ZGRF1: variants seen among roughly 807,000 people sequenced by gnomAD.
The protein encoded by ZGRF1 is zinc finger GRF-type containing 1, also known as 5'-3' DNA helicase ZGRF1.
ZGRF1 carries 196 observed loss-of-function variants against 203.5 expected under a neutral mutation model. The observed-to-expected ratio is 0.96, with a 90% confidence interval of 0.86 to 1.08. ZGRF1 has a LOEUF of 1.08. ZGRF1 is among the 50% of genes least tolerant of loss of function. The probability of loss-of-function intolerance (pLI) is 0.00; values close to 1 mark genes in which losing one functional copy is unlikely to be tolerated. For synonymous variants in ZGRF1, 809 were observed against 841.3 expected, an observed-to-expected ratio of 0.96 and a Z score of 0.66; for missense variants, 2,326 against 2,416.3, an observed-to-expected ratio of 0.96 and a Z score of 0.78.
rs1446332281 is a variant in ZGRF1, at chr4:112,619,630, C to T, written c.412G>A (p.Ala138Thr). 2.5e-6 allele frequency: 4 copies of T among 1,613,422 alleles called. No individual in the cohort carries two copies. Among genetic ancestry groups the T allele is most frequent in the Non-Finnish European group, 3.4e-6 (4 of 1,179,864 alleles). ...GTTTTCTTAGCCTCATGTGATGCAG[C>T]TGATTCACCACTTTCCATAATAACC... Reference protein sequence around the residue: ...KMVIMESGESAASHEAKKTGP... With the variant: ...KMVIMESGESTASHEAKKTGP... The change falls in exon 6 of 28, where the codon GCT (alanine) becomes ACT (threonine). Residue 138 changes from alanine to threonine, a missense_variant. Transcript: ENST00000505019.
chr4:112,633,766 T>C (rs1453835227), intron 1 of ZGRF1, among the ~76,000 whole-genome samples: 1 of 152,248 alleles, frequency 6.6e-6, no homozygotes, highest in Non-Finnish European at 1.5e-5. Context: ...ACTGTTTTTG[T>C]GGGCAAATTT....
chr4:112,609,461 TA>T, intron 7 of ZGRF1, 32 bp from the exon 8 acceptor site: 1 of 1,141,472 alleles, frequency 8.8e-7, no homozygotes, highest in Non-Finnish European at 1.3e-6. Flanking sequence ...TTAGATAAAC[TA>T]ATAGGCAATA....
chr4:112,552,625 T>C (rs532990155), intron 22 of ZGRF1, among the ~76,000 whole-genome samples: 4 of 152,352 alleles, frequency 2.6e-5, no homozygotes, highest in South Asian at 2.1e-4. Flanking sequence ...GTTAACTCTA[T>C]AATTCAAATA....
chr4:112,572,499 G>A (rs1239457994), intron 16 of ZGRF1, among the ~76,000 whole-genome samples: 1 of 152,074 alleles, frequency 6.6e-6, no homozygotes, highest in Non-Finnish European at 1.5e-5. Context: ...AAGACTTCAT[G>A]ACCAAAAACC....
At position 112,581,666 on chromosome 4, in the gene ZGRF1, T is replaced by C; in HGVS notation, c.4435A>G (p.Lys1479Glu). ...SRKERSSAYS[K>E]NDLWVVSKTL... ...CAGTATGATCAGATCAACTTACTTT[T>C]GCTATAAGCTGAAGATCTTTCCTTC... is the stretch of plus-strand genomic sequence containing the variant. Residue 1479 changes from lysine to glutamate, a missense_variant, in exon 16 of 28, where the codon AAA (lysine) becomes GAA (glutamate). By Grantham distance (56) the Lys-to-Glu change is moderately conservative. Coordinates refer to ENST00000505019, the MANE Select transcript of ZGRF1 (RefSeq NM_018392.5). 6.3e-7 allele frequency: 1 copy of C among 1,575,826 alleles called. No homozygotes were observed. Among genetic ancestry groups the C allele is most frequent in the Non-Finnish European group, 8.6e-7 (1 of 1,166,266 alleles).
chr4:112,591,182 C>A (rs1748112813), intron 10 of ZGRF1, among the ~76,000 whole-genome samples: 1 of 152,098 alleles, frequency 6.6e-6, no homozygotes, highest in Non-Finnish European at 1.5e-5. Context: ...TATATTTTAA[C>A]TTGTTTAATC....
intron 14 of ZGRF1, 22 bp downstream of exon 14, chr4:112,585,519 G>C: frequency 6.3e-7 from 1 of 1,590,828 alleles, no homozygotes; most frequent in Non-Finnish European, 8.6e-7. Context: ...TGGTATGGTA[G>C]GGGGAGGGGA....
rs1173352579 is a variant in ZGRF1, at chr4:112,618,264, G to A, written c.1778C>T (p.Thr593Ile). ...EIEGEHLPFL[T>I]SVSDKPTVTF... ...CACTGTAGGTTTGTCACTAACAGAT[G>A]TTAAGAATGGCAAATGTTCACCCTC... The change falls in exon 6 of 28, where the codon ACA becomes ATA. Residue 593 changes from threonine (T) to isoleucine (I), a missense_variant. Physicochemically the swap from Thr to Ile is moderately conservative, Grantham distance 89. Coordinates refer to ENST00000505019, the MANE Select transcript of ZGRF1 (RefSeq NM_018392.5). 6.2e-7 allele frequency: 1 copy of A among 1,613,672 alleles called. No homozygotes were observed. The highest frequency in any genetic ancestry group is 1.3e-5 in the African/African-American group (1 of 74,912).
chr4:112,602,720 T>A (rs1266364244), intron 10 of ZGRF1, among the ~76,000 whole-genome samples: 7 of 152,162 alleles, frequency 4.6e-5, no homozygotes, highest in African/African-American at 1.7e-4. Context: ...ATGAATAAAT[T>A]ATAGCCACAG....
In ZGRF1 at chr4:112,620,135, A is replaced by C; in HGVS notation, c.218T>G (p.Val73Gly). 6.2e-7 allele frequency: 1 copy of C among 1,612,788 alleles called. No individual in the cohort carries two copies. The highest frequency in any genetic ancestry group is 8.5e-7 in the Non-Finnish European group (1 of 1,179,484). ...AATACCTATGGCTCCAGCAACTTTA[A>C]CCTCTTCAACTGTGATTAAGTATCG... ...SDRYLITVEE[V>G]KVAGAIGIVK... The change falls in exon 5 of 28, where the codon GTT becomes GGT. Residue 73 changes from valine to glycine, a missense_variant. Coordinates refer to ENST00000505019, the MANE Select transcript of ZGRF1 (RefSeq NM_018392.5).
At chr4:112,558,387 A>T in intron 19 of ZGRF1, 78 bp from the exon 20 acceptor site, 3 of 1,211,476 alleles carry the variant, frequency 2.5e-6, no homozygotes, top group Non-Finnish European at 3.3e-6. Context: ...TTCTTGAGAC[A>T]GAGTCTCACT....
chr4:112,571,858 A>T (rs1744276321), intron 16 of ZGRF1, among the ~76,000 whole-genome samples: 1 of 152,234 alleles, frequency 6.6e-6, no homozygotes, highest in South Asian at 2.1e-4. Flanking sequence ...GGGAACTTGC[A>T]CTATTTGATA....
At chr4:112,616,018 ATAAGT>A (rs2046856791) in intron 6 of ZGRF1, among the ~76,000 whole-genome samples, 1 of 152,182 alleles carries the variant, frequency 6.6e-6, no homozygotes, top group Non-Finnish European at 1.5e-5. Flanking sequence ...AGTAGGTACA[ATAAGT>A]TAATTTATAT....
intron 14 of ZGRF1, 110 bp downstream of exon 14, chr4:112,585,431 G>C (rs1746996584): frequency 4.0e-6 from 3 of 750,192 alleles, no homozygotes; most frequent in Non-Finnish European, 5.9e-6. Flanking sequence ...ACCTCAAATA[G>C]AAAGCTCTTA....
intron 15 of ZGRF1, among the ~76,000 whole-genome samples, chr4:112,582,914 A>T (rs145581543): frequency 7.9e-5 from 12 of 152,158 alleles, no homozygotes; most frequent in Admixed American, 2.0e-4. Flanking sequence ...GGTTGATTCC[A>T]TATCTTGGCT....
chr4:112,618,010 G>A lies in ZGRF1; in HGVS notation c.2032C>T (p.Pro678Ser), dbSNP rs1383430295. The A allele has an allele frequency of 3.1e-6, 5 of 1,612,462 alleles. No individual in the cohort carries two copies. Among genetic ancestry groups the A allele is most frequent in the Non-Finnish European group, 3.4e-6 (4 of 1,179,716 alleles). Residue 678 changes from proline (P) to serine (S), a missense_variant, in exon 6 of 28, where the codon CCC (proline) becomes TCC (serine). Physicochemically the swap from Pro to Ser is moderately conservative, Grantham distance 74. Coordinates refer to ENST00000505019, the MANE Select transcript of ZGRF1 (RefSeq NM_018392.5). Reference protein sequence around the residue: ...EVRINYDFALPPNKSKGINMN... With the variant: ...EVRINYDFALSPNKSKGINMN... ...TTTATACCTTTAGATTTATTCGGGG[G>A]TAAAGCAAAATCATAGTTAATTCTG... is the stretch of plus-strand genomic sequence containing the variant.
intron 3 of ZGRF1, chr4:112,629,902 C>A: frequency 3.5e-6 from 1 of 282,040 alleles, no homozygotes; most frequent in Non-Finnish European, 7.2e-6. Context: ...GCTTGTAATC[C>A]CAGCTACTCA....
intron 24 of ZGRF1, among the ~76,000 whole-genome samples, chr4:112,542,387 T>C (rs1737813239): frequency 6.6e-6 from 1 of 152,136 alleles, no homozygotes; most frequent in Non-Finnish European, 1.5e-5. Flanking sequence ...ATTACAAAGC[T>C]AGTAGTAACA....
chr4:112,619,649 A>T lies in ZGRF1; in HGVS notation c.393T>A (p.Ile131=). 6.2e-7 allele frequency: 1 copy of T among 1,612,322 alleles called. No individual in the cohort carries two copies. The highest frequency in any genetic ancestry group is 1.1e-5 in the South Asian group (1 of 90,566). The part of the protein sequence containing the change: ...GPRQVPKKMV[I]MESGESAASH... Reference sequence around the variant, plus strand: ...ATGCAGCTGATTCACCACTTTCCATAATAACCATTTTCTTTGGAACCTGAC... The same window carrying T: ...ATGCAGCTGATTCACCACTTTCCATTATAACCATTTTCTTTGGAACCTGAC... Residue 131 remains isoleucine, a synonymous_variant, in exon 6 of 28, where the codon ATT becomes ATA. Transcript: ENST00000505019.
Sources: gnomAD v4.1 joint callset for allele counts (sites outside exome capture counted in the v4.1 genomes callset) on GRCh38, gnomAD v4.1.1 for gene constraint, MANE v1.5 for transcripts, NCBI Gene and HGNC (gene_info 2026-07-23, HGNC 2026-07-21) for gene names.